The following TENM1 variants were observed in gnomAD, a reference collection of about 807,000 sequenced individuals.
TENM1 encodes the protein teneurin transmembrane protein 1, also known as teneurin-1.
A neutral mutation model predicts 174.8 loss-of-function variants in TENM1; 35 were observed. That is an observed-to-expected ratio of 0.20 (90% confidence interval 0.15 to 0.27). The LOEUF is 0.27. TENM1 is among the 10% of genes least tolerant of loss of function. The probability of loss-of-function intolerance (pLI) is 1.00; values close to 1 mark genes in which losing one functional copy is unlikely to be tolerated. For missense variants in TENM1, 1,633 were observed against 2,130.1 expected (o/e 0.77, Z 4.59); for synonymous variants, 781 against 798.7 (o/e 0.98, Z 0.37).
At chrX:125,125,441 C>T in the TENM1 span, among the ~76,000 whole-genome samples, 1 of 111,876 alleles carries the variant, frequency 8.9e-6, no homozygotes, top group African/African-American at 3.2e-5. Context: ...AATAACCTCT[C>T]GCTACACTTG....
At chrX:125,188,439 T>C in the TENM1 span, among the ~76,000 whole-genome samples, 4 of 111,760 alleles carry the variant, frequency 3.6e-5, no homozygotes, top group African/African-American at 1.3e-4. Context: ...AAAAGAAACT[T>C]CAAAATTTAA....
chrX:124,978,681 A>G, the TENM1 span, among the ~76,000 whole-genome samples: 1 of 111,697 alleles, frequency 9.0e-6, no homozygotes, highest in Non-Finnish European at 1.9e-5. Context: ...TGGCTGGTCA[A>G]TGATTGCGCA....
chrX:124,727,351 A>G (rs942499398), intron 4 of TENM1, among the ~76,000 whole-genome samples: 3 of 112,441 alleles, frequency 2.7e-5, no homozygotes, highest in Non-Finnish European at 5.6e-5. Flanking sequence ...ATCTAAGATC[A>G]GGCCAAGCAA....
At chrX:124,510,612 T>G (rs1362132280) in intron 18 of TENM1, among the ~76,000 whole-genome samples, 3 of 111,905 alleles carry the variant, frequency 2.7e-5, no homozygotes, top group South Asian at 3.7e-4. Flanking sequence ...ACAAGAACAG[T>G]CATAAATGCT....
chrX:125,044,451 A>T, the TENM1 span, among the ~76,000 whole-genome samples: 1 of 109,502 alleles, frequency 9.1e-6, no homozygotes, highest in Non-Finnish European at 1.9e-5. Flanking sequence ...TTAGCCTGGT[A>T]TCGTGGCACA....
At chrX:125,063,032 GT>G in the TENM1 span, among the ~76,000 whole-genome samples, 1 of 112,323 alleles carries the variant, frequency 8.9e-6, no homozygotes, top group Non-Finnish European at 1.9e-5. Context: ...TTTGTCTCTA[GT>G]GATCTCCTTT....
At position 124,833,658 on chromosome X, in the gene TENM1, T is replaced by C. The variant is rs192313417; in HGVS notation, c.535+60638A>G. On this transcript the variant is annotated intron_variant, in intron 3 of 31. Coordinates refer to ENST00000422452, the Ensembl canonical transcript of TENM1. The stretch of plus-strand genomic sequence containing the variant: ...CCCCAAATATAAATAAGTACACAAA[T>C]AATATTGTATACTTTTTCTCTTATT... 7.2e-5 allele frequency among the ~76,000 whole-genome samples: 8 copies of C among 111,384 alleles called. No individual in the cohort carries two copies. In the East Asian group the frequency reaches 2.2e-3, roughly 31 times the overall value.
At chrX:124,872,886 T>C (rs1224361353) in intron 3 of TENM1, among the ~76,000 whole-genome samples, 2 of 111,646 alleles carry the variant, frequency 1.8e-5, no homozygotes, top group Non-Finnish European at 3.8e-5. Flanking sequence ...TGTAATTTCA[T>C]TAGGACAATC....
chrX:124,700,466 G>A (rs1264590357), intron 5 of TENM1, among the ~76,000 whole-genome samples: 1 of 111,698 alleles, frequency 9.0e-6, no homozygotes, highest in Non-Finnish European at 1.9e-5. Flanking sequence ...TGTCCTGAGT[G>A]TTTTACAAGC....
intron 20 of TENM1, among the ~76,000 whole-genome samples, chrX:124,492,747 A>G (rs985261955): frequency 5.4e-5 from 6 of 110,211 alleles, no homozygotes; most frequent in Non-Finnish European, 1.1e-4. Flanking sequence ...CTTGAACCTA[A>G]TGCAGGGGAT....
chrX:124,378,552 C>G (rs2060124928), exon 32 of TENM1: 1 of 111,579 alleles, frequency 9.0e-6, no homozygotes, highest in African/African-American at 3.3e-5. Flanking sequence ...AGAAAAAACC[C>G]AATAATATGA....
chrX:125,165,762 A>G, the TENM1 span, among the ~76,000 whole-genome samples: 1 of 111,560 alleles, frequency 9.0e-6, no homozygotes, highest in Non-Finnish European at 1.9e-5. Flanking sequence ...TTCACTATAT[A>G]GTTTATCACT....
chrX:124,719,945 T>G (rs749351661), intron 4 of TENM1, among the ~76,000 whole-genome samples: 20 of 112,012 alleles, frequency 1.8e-4, no homozygotes, highest in African/African-American at 6.2e-4. Flanking sequence ...ATAGGAAACA[T>G]AATATGAAGC....
At chrX:125,107,579 C>T in the TENM1 span, among the ~76,000 whole-genome samples, 1 of 111,877 alleles carries the variant, frequency 8.9e-6, no homozygotes, top group Admixed American at 9.5e-5. Flanking sequence ...CAACCCAAAG[C>T]CTCTCACAGG....
At chrX:124,641,636 A>G (rs1465525381) in intron 11 of TENM1, among the ~76,000 whole-genome samples, 155 bp downstream of exon 14, 1 of 112,534 alleles carries the variant, frequency 8.9e-6, no homozygotes, top group Non-Finnish European at 1.9e-5. Context: ...CGTATTATAA[A>G]TAAAAATGCA....
At chrX:124,554,057 C>T (rs1465161455) in intron 14 of TENM1, among the ~76,000 whole-genome samples, 2 of 111,074 alleles carry the variant, frequency 1.8e-5, no homozygotes, top group East Asian at 2.8e-4. Flanking sequence ...TGCAGTGAGC[C>T]GAGATTGCAC....
intron 22 of TENM1, among the ~76,000 whole-genome samples, chrX:124,462,829 A>C (rs2061193881): frequency 8.9e-6 from 1 of 111,976 alleles, no homozygotes; most frequent in Non-Finnish European, 1.9e-5. Flanking sequence ...GAACAAAATA[A>C]AGCATGCCAG....
At position 124,437,104 on chromosome X, in the gene TENM1, ATTTTTTTTTTTTTT is replaced by A. The variant is rs35632932; in HGVS notation, c.4105-14480_4105-14467del. On this transcript the variant is annotated intron_variant, in intron 23 of 31. Coordinates refer to ENST00000422452, the Ensembl canonical transcript of TENM1. Reference sequence around the variant, plus strand: ...TACAGGCACCCACCATGCTCGGCTAATTTTTTTTTTTTTTTTTTTTTTTTTTTTGTAGAGACGGG... The same window carrying A: ...TACAGGCACCCACCATGCTCGGCTAATTTTTTTTTTTTTTGTAGAGACGGG... 1.1e-4 allele frequency among the ~76,000 whole-genome samples: 4 copies of A among 34,915 alleles called. No homozygotes were observed. In the East Asian group the frequency reaches 3.1e-3, roughly 27 times the overall value. 30.3% of individuals were successfully genotyped at this position (34,915 alleles called of 115,157 possible).
At chrX:124,927,693 C>A (rs1052149329) in intron 1 of TENM1, among the ~76,000 whole-genome samples, 3 of 111,287 alleles carry the variant, frequency 2.7e-5, no homozygotes, top group African/African-American at 6.5e-5. Flanking sequence ...TTGGATCAAT[C>A]TAGGGTGGAG....
Sources: gnomAD v4.1 joint callset for allele counts (sites outside exome capture counted in the v4.1 genomes callset) on GRCh38, gnomAD v4.1.1 for gene constraint, MANE v1.5 for transcripts, NCBI Gene and HGNC (gene_info 2026-07-23, HGNC 2026-07-21) for gene names.